Variants in CD96 observed in about 807,000 individuals in gnomAD.
CD96 encodes T-cell surface protein tactile.
A neutral mutation model predicts 71.3 loss-of-function variants in CD96; 70 were observed. The observed-to-expected ratio is 0.98, with a 90% confidence interval of 0.81 to 1.20. The LOEUF is 1.20. Among genes scored for constraint, CD96 ranks in the 50% most tolerant of loss-of-function variants. The pLI, the probability that CD96 is intolerant of heterozygous loss-of-function variation, is 0.00. For synonymous variants in CD96, 248 were observed against 233.0 expected (o/e 1.06, Z -0.59); for missense variants, 742 against 677.5 (o/e 1.10, Z -1.06).
intron 9 of CD96, 145 bp from the exon 10 acceptor site, chr3:111,624,188 C>A: frequency 1.4e-6 from 1 of 696,558 alleles, no homozygotes; most frequent in Non-Finnish European, 2.6e-6. Flanking sequence ...GCTTAATATG[C>A]CAGCTAGTGT....
At chr3:111,648,617 A>G (rs1437203837) in intron 13 of CD96, among the ~76,000 whole-genome samples, 2 of 152,224 alleles carry the variant, frequency 1.3e-5, no homozygotes, top group African/African-American at 2.4e-5. Flanking sequence ...AAAATTGGGT[A>G]ATAGGGATTA....
At position 111,598,031 on chromosome 3, in the gene CD96, T is replaced by C. The variant is rs533463308; in HGVS notation, c.808-89T>C. On this transcript the variant is annotated intron_variant, in intron 5 of 13. Transcript: ENST00000352690. ...TCAGTTAAAAATGGAGAAACTCTTT[T>C]TTGCCAACTTATATGAATGTTAGTA... The C allele has an allele frequency of 9.5e-4, 674 of 709,774 alleles. 9 individuals carry two copies. The South Asian group carries it at 9.8e-3, about 10-fold the overall frequency. The allele number at this position is 709,774 out of a possible 1,614,324, so 44.0% of individuals were successfully genotyped here.
At chr3:111,589,119 T>A (rs1279300277) in intron 5 of CD96, among the ~76,000 whole-genome samples, 1 of 151,918 alleles carries the variant, frequency 6.6e-6, no homozygotes. Context: ...CCTGGCTAAT[T>A]TTTTGTATTT....
At position 111,545,250 on chromosome 3, in the gene CD96, T is replaced by C; in HGVS notation, c.266T>C (p.Val89Ala). Residue 89 changes from valine to alanine, a missense_variant, in exon 2 of 14, where the codon GTG becomes GCG. Transcript: ENST00000352690. ...TATGGGAGACCCTGTGAGTCACTTG[T>C]GACTTTCACAGAAACTCCTGAGAAT... ...CAYGRPCESL[V>A]TFTETPENGS... 1 of 1,614,198 alleles carries C rather than the reference T, an allele frequency of 6.2e-7. No individual in the cohort carries two copies. The highest frequency in any genetic ancestry group is 8.5e-7 in the Non-Finnish European group (1 of 1,180,016).
At chr3:111,564,331 T>C (rs1935601718) in intron 2 of CD96, among the ~76,000 whole-genome samples, 1 of 151,980 alleles carries the variant, frequency 6.6e-6, no homozygotes, top group South Asian at 2.1e-4. Flanking sequence ...TTTTTTCTTT[T>C]TTTATAATTA....
chr3:111,638,454 A>G (rs183529548), intron 12 of CD96, among the ~76,000 whole-genome samples: 1 of 152,360 alleles, frequency 6.6e-6, no homozygotes, highest in Non-Finnish European at 1.5e-5. Flanking sequence ...ATATACTTAA[A>G]TTAATATCTG....
intron 14 of CD96, among the ~76,000 whole-genome samples, chr3:111,660,678 C>A (rs564517804): frequency 6.6e-6 from 1 of 152,238 alleles, no homozygotes; most frequent in African/African-American, 2.4e-5. Context: ...GACACATAAA[C>A]CCGTGCAACA....
chr3:111,579,254 A>G lies in CD96; in HGVS notation c.751+20A>G, dbSNP rs1209473636. 6 of 1,333,218 alleles carry G rather than the reference A, an allele frequency of 4.5e-6. No individual in the cohort carries two copies. Among genetic ancestry groups the G allele is most frequent in the African/African-American group, 2.9e-5 (2 of 69,386 alleles). 82.6% of individuals were successfully genotyped at this position (1,333,218 alleles called of 1,614,324 possible). On this transcript the variant is annotated intron_variant, in intron 4 of 13. Coordinates refer to ENST00000352690, the MANE Select transcript of CD96 (RefSeq NM_005816.5). ...TTTTTGGTAAGGGCTTTTGTTCTAC[A>G]GACTCACTGGCATCCTCCTGTCTCC...
intron 3 of CD96, among the ~76,000 whole-genome samples, chr3:111,571,330 G>T (rs750102312): frequency 9.4e-5 from 14 of 149,512 alleles, no homozygotes; most frequent in Non-Finnish European, 1.3e-4. Context: ...ATTTCTATTT[G>T]TCCCCTTTCC....
At chr3:111,553,836 A>T (rs1934851248) in intron 2 of CD96, among the ~76,000 whole-genome samples, 1 of 151,978 alleles carries the variant, frequency 6.6e-6, no homozygotes, top group Admixed American at 6.6e-5. Context: ...TACGGTTATT[A>T]TCCTTATTTT....
chr3:111,619,057 C>T (rs904141808), intron 8 of CD96, among the ~76,000 whole-genome samples: 1 of 152,218 alleles, frequency 6.6e-6, no homozygotes, highest in Non-Finnish European at 1.5e-5. Context: ...TAGCCTTCCT[C>T]TACCTTTCCT....
chr3:111,587,188 C>T (rs533087511), intron 5 of CD96, among the ~76,000 whole-genome samples: 21 of 152,234 alleles, frequency 1.4e-4, no homozygotes, highest in Non-Finnish European at 2.1e-4. Flanking sequence ...CCAGGTCATA[C>T]AGATGCAAGA....
intron 1 of CD96, among the ~76,000 whole-genome samples, chr3:111,543,399 T>G (rs1306089146): frequency 6.6e-6 from 1 of 152,182 alleles, no homozygotes; most frequent in Non-Finnish European, 1.5e-5. Flanking sequence ...ACTCTACTTA[T>G]GTCTAGTATT....
chr3:111,663,027 G>A (rs989283040), intron 14 of CD96, among the ~76,000 whole-genome samples: 7 of 152,110 alleles, frequency 4.6e-5, no homozygotes, highest in South Asian at 2.1e-4. Context: ...TAACTGACTC[G>A]CAATTCCACA....
intron 2 of CD96, among the ~76,000 whole-genome samples, chr3:111,563,717 A>G (rs11928649): frequency 0.079 from 11,958 of 152,210 alleles, 1,194 homozygotes; most frequent in African/African-American, 0.22. Context: ...TCTTTATTTA[A>G]AAACATATAT....
chr3:111,590,531 A>G (rs1344374065), intron 5 of CD96, among the ~76,000 whole-genome samples: 1 of 152,230 alleles, frequency 6.6e-6, no homozygotes, highest in Non-Finnish European at 1.5e-5. Context: ...TGTAAAATAC[A>G]AGACCCAAAA....
intron 3 of CD96, among the ~76,000 whole-genome samples, chr3:111,575,211 C>A (rs1936169441): frequency 6.6e-6 from 1 of 152,108 alleles, no homozygotes; most frequent in South Asian, 2.1e-4. Context: ...GTTTTCAAGA[C>A]CTGGATCTCC....
rs112807001 is a variant in CD96 at position 111,631,043 on chromosome 3, C to T, written c.1322-6153C>T. 3.3e-3 allele frequency among the ~76,000 whole-genome samples: 501 copies of T among 152,308 alleles called. 3 individuals are homozygous for T. The highest frequency in any genetic ancestry group is 5.1e-3 in the Non-Finnish European group (345 of 68,020). On this transcript the variant is annotated intron_variant, in intron 10 of 13. Coordinates refer to ENST00000352690, the MANE Select transcript of CD96 (RefSeq NM_005816.5). The stretch of plus-strand genomic sequence containing the variant: ...TATATGACAAACCCACAGCCAATAT[C>T]ATGCTGAATGGGCAAAATCTGGTAG...
At chr3:111,611,752 G>A (rs544617589) in intron 8 of CD96, among the ~76,000 whole-genome samples, 5 of 152,284 alleles carry the variant, frequency 3.3e-5, no homozygotes, top group South Asian at 2.1e-4. Flanking sequence ...CTTCACATTC[G>A]CATCATAAGC....
Sources: gnomAD v4.1 joint callset for allele counts (sites outside exome capture counted in the v4.1 genomes callset) on GRCh38, gnomAD v4.1.1 for gene constraint, MANE v1.5 for transcripts, NCBI Gene and HGNC (gene_info 2026-07-23, HGNC 2026-07-21) for gene names.